Variants in RBFOX1 observed in about 807,000 individuals in gnomAD.
The protein encoded by RBFOX1 is RNA binding fox-1 homolog 1.
RBFOX1 carries 8 observed loss-of-function variants against 57.7 expected under a neutral mutation model. The observed-to-expected ratio is 0.14, with a 90% CI of 0.08 to 0.25. RBFOX1 has a LOEUF of 0.25. Among genes scored for constraint, RBFOX1 ranks in the 10% least tolerant of loss-of-function variants. The pLI, the probability that RBFOX1 is intolerant of heterozygous loss-of-function variation, is 1.00. For synonymous variants in RBFOX1, 326 were observed against 222.4 expected (o/e 1.47, Z -4.15); for missense variants, 611 against 548.5 (o/e 1.11, Z -1.14).
chr16:7,316,116 C>T (rs759641827), intron 4 of RBFOX1, among the ~76,000 whole-genome samples: 4 of 152,210 alleles, frequency 2.6e-5, no homozygotes, highest in Non-Finnish European at 5.9e-5. Context: ...CCTCTTTAAT[C>T]ATGCAGCGTG....
Position 7,030,078 on chromosome 16 carries a change from T to G in RBFOX1, c.-15-21979T>G, listed in dbSNP as rs530007921. On this transcript the variant is annotated intron_variant, in intron 3 of 15. Transcript: ENST00000550418. Reference sequence around the variant, plus strand: ...GAAAAGTATGTGGGAAAGTAAAACATTATTACAAATTGGTGCCAAAAATTA... The same window carrying G: ...GAAAAGTATGTGGGAAAGTAAAACAGTATTACAAATTGGTGCCAAAAATTA... Among the ~76,000 whole-genome samples the G allele has an allele frequency of 2.0e-5, 3 of 152,242 alleles. No homozygotes were observed. The South Asian group carries it at 6.2e-4, about 32-fold the overall frequency.
chr16:5,454,487 G>C (rs1223808286), intron 1 of RBFOX1, among the ~76,000 whole-genome samples: 3 of 152,200 alleles, frequency 2.0e-5, no homozygotes, highest in Non-Finnish European at 4.4e-5. Flanking sequence ...ATTGAAATTG[G>C]TAGGTGGTGA....
chr16:7,546,484 ATATAG>A (rs1458233928), intron 5 of RBFOX1, among the ~76,000 whole-genome samples: 1 of 152,206 alleles, frequency 6.6e-6, no homozygotes, highest in South Asian at 2.1e-4. Context: ...AATATAGAAA[ATATAG>A]TATATCCAGA....
At chr16:5,828,769 G>T (rs1218354350) in intron 3 of RBFOX1, among the ~76,000 whole-genome samples, 2 of 152,182 alleles carry the variant, frequency 1.3e-5, no homozygotes, top group Non-Finnish European at 2.9e-5. Context: ...GGTGGAGTGT[G>T]TGGAGTGCTG....
chr16:5,577,141 T>C (rs951342499), intron 2 of RBFOX1, among the ~76,000 whole-genome samples: 4 of 152,230 alleles, frequency 2.6e-5, no homozygotes, highest in Admixed American at 2.0e-4. Flanking sequence ...CGGAGCCCCA[T>C]GTGGGATGTC....
chr16:6,741,298 T>A (rs11859580), intron 3 of RBFOX1, among the ~76,000 whole-genome samples: 13,572 of 151,952 alleles, frequency 0.089, 743 homozygotes, highest in East Asian at 0.17. Flanking sequence ...ATAGGAAAAA[T>A]ATCTTTCGAA....
At chr16:6,397,032 G>T (rs2092867041) in intron 2 of RBFOX1, among the ~76,000 whole-genome samples, 2 of 152,234 alleles carry the variant, frequency 1.3e-5, no homozygotes, top group South Asian at 4.1e-4. Flanking sequence ...CAAATGATTT[G>T]ATTATTAACA....
intron 4 of RBFOX1, among the ~76,000 whole-genome samples, chr16:7,341,980 G>C (rs1283624203): frequency 1.3e-5 from 2 of 152,040 alleles, no homozygotes; most frequent in Non-Finnish European, 2.9e-5. Flanking sequence ...TCTTTAATCT[G>C]TATTGGCTCC....
chr16:7,323,841 C>A (rs929337736), intron 4 of RBFOX1, among the ~76,000 whole-genome samples: 1 of 152,138 alleles, frequency 6.6e-6, no homozygotes, highest in Non-Finnish European at 1.5e-5. Context: ...AAAAGCCTAG[C>A]ACAGGTCTGA....
intron 3 of RBFOX1, among the ~76,000 whole-genome samples, chr16:5,666,042 T>C (rs2049833876): frequency 6.6e-6 from 1 of 152,194 alleles, no homozygotes; most frequent in Admixed American, 6.5e-5. Flanking sequence ...ACAAGAGAAA[T>C]CTTTCAGACA....
chr16:7,039,381 G>A (rs1281927318), intron 3 of RBFOX1, among the ~76,000 whole-genome samples: 2 of 152,206 alleles, frequency 1.3e-5, no homozygotes, highest in African/African-American at 2.4e-5. Flanking sequence ...CCAAGGTTAA[G>A]AGGAAAACAT....
chr16:5,491,070 G>C (rs1001817257), intron 2 of RBFOX1, among the ~76,000 whole-genome samples: 1 of 152,064 alleles, frequency 6.6e-6, no homozygotes, highest in African/African-American at 2.4e-5. Flanking sequence ...CCATATATCA[G>C]GTTTCTGTAC....
At chr16:6,259,899 T>A (rs1184724619) in intron 1 of RBFOX1, among the ~76,000 whole-genome samples, 1 of 148,606 alleles carries the variant, frequency 6.7e-6, no homozygotes, top group Non-Finnish European at 1.5e-5. Context: ...AGATGGAGGG[T>A]GCTGTGAGCT....
chr16:6,558,407 G>A (rs1413536669), intron 2 of RBFOX1, among the ~76,000 whole-genome samples: 1 of 152,138 alleles, frequency 6.6e-6, no homozygotes, highest in African/African-American at 2.4e-5. Context: ...AGTTTATCCT[G>A]AACTGTGCAT....
chr16:6,523,894 A>G (rs2096542668), intron 2 of RBFOX1, among the ~76,000 whole-genome samples: 1 of 152,216 alleles, frequency 6.6e-6, no homozygotes, highest in South Asian at 2.1e-4. Context: ...TAATAGGTAT[A>G]GATACTTATG....
chr16:5,675,009 C>T lies in RBFOX1; in HGVS notation c.318+76048C>T, dbSNP rs561292029. Reference sequence around the variant, plus strand: ...GAAAAATTTTAAAAAATTAGCCAGCCATGGTGGTGTATGCCTGTAGTTCCA... The same window carrying T: ...GAAAAATTTTAAAAAATTAGCCAGCTATGGTGGTGTATGCCTGTAGTTCCA... On this transcript the variant is annotated intron_variant, in intron 3 of 19. Coordinates refer to the RBFOX1 transcript ENST00000641259. Among the ~76,000 whole-genome samples the T allele has an allele frequency of 2.0e-5, 3 of 152,156 alleles. No homozygotes were observed. In the South Asian group the frequency reaches 6.2e-4, roughly 32 times the overall value.
intron 3 of RBFOX1, among the ~76,000 whole-genome samples, chr16:6,867,547 C>T (rs1376626732): frequency 6.6e-6 from 1 of 152,046 alleles, no homozygotes; most frequent in African/African-American, 2.4e-5. Flanking sequence ...GGCAAAACCT[C>T]ATCTCTACTA....
chr16:6,569,137 C>T (rs778264541), intron 2 of RBFOX1, among the ~76,000 whole-genome samples: 1 of 152,162 alleles, frequency 6.6e-6, no homozygotes, highest in Admixed American at 6.5e-5. Flanking sequence ...TCTTGATATC[C>T]ATGTAAACTG....
At chr16:6,720,071 G>A (rs771556623) in intron 3 of RBFOX1, among the ~76,000 whole-genome samples, 1 of 151,944 alleles carries the variant, frequency 6.6e-6, no homozygotes, top group Non-Finnish European at 1.5e-5. Context: ...TACACCCTGG[G>A]CGACAGTGTG....
Sources: allele counts gnomAD v4.1 joint callset (sites outside exome capture counted in the v4.1 genomes callset), GRCh38; gene constraint gnomAD v4.1.1; transcripts MANE v1.5; gene names NCBI Gene and HGNC (gene_info 2026-07-23, HGNC 2026-07-21).